EDEM3: variants seen among roughly 807,000 people sequenced by gnomAD.
The protein encoded by EDEM3 is ER degradation-enhancing alpha-mannosidase-like protein 3.
EDEM3 carries 60 observed loss-of-function variants against 110.2 expected under a neutral mutation model. The observed-to-expected ratio is 0.54, with a 90% CI of 0.44 to 0.67. The LOEUF is 0.67. Ranked by LOEUF, EDEM3 falls within the 30% of genes least tolerant of loss-of-function variation. EDEM3 has a pLI of 0.00. For synonymous variants in EDEM3, 352 were observed against 382.9 expected, an observed-to-expected ratio of 0.92 and a Z score of 0.94; for missense variants, 996 against 1,121.0, an observed-to-expected ratio of 0.89 and a Z score of 1.59.
chr1:184,728,672 C>T (rs759817677), intron 6 of EDEM3, among the ~76,000 whole-genome samples: 5 of 151,482 alleles, frequency 3.3e-5, no homozygotes, highest in East Asian at 1.9e-4. Flanking sequence ...TGCAGTGGCA[C>T]GATCTTGGCT....
chr1:184,727,147 C>G (rs1053723239), intron 6 of EDEM3, among the ~76,000 whole-genome samples: 1 of 152,178 alleles, frequency 6.6e-6, no homozygotes, highest in Non-Finnish European at 1.5e-5. Flanking sequence ...CAAAAATCAG[C>G]CAGGCATGGT....
At chr1:184,747,465 G>C (rs1339102176) in intron 2 of EDEM3, among the ~76,000 whole-genome samples, 1 of 152,192 alleles carries the variant, frequency 6.6e-6, no homozygotes, top group African/African-American at 2.4e-5. Context: ...TTGAGAACTT[G>C]AAAAGAGGAA....
At chr1:184,730,034 C>A (rs1049494416) in intron 6 of EDEM3, among the ~76,000 whole-genome samples, 3 of 151,988 alleles carry the variant, frequency 2.0e-5, no homozygotes, top group Admixed American at 6.5e-5. Context: ...TACTAATAAG[C>A]AAAGAAATCC....
chr1:184,708,225 G>A lies in EDEM3; in HGVS notation c.1965C>T (p.His655=), dbSNP rs771529803. ...TCAATACTACCCTGCCAAAAAATGGGTGGGAAACAATTTGTACAGCTCGTG... is the reference window on the plus strand; with the variant it reads ...TCAATACTACCCTGCCAAAAAATGGATGGGAAACAATTTGTACAGCTCGTG... ...LPPRAVQIVS[H]PFFGRVVLTA... The change falls in exon 17 of 20, where the codon CAC becomes CAT. Residue 655 remains histidine, a synonymous_variant. Coordinates refer to ENST00000318130, the MANE Select transcript of EDEM3 (RefSeq NM_025191.4). The A allele has an allele frequency of 6.2e-7, 1 of 1,613,804 alleles. No individual in the cohort carries two copies.
chr1:184,721,498 ACTACAC>A, intron 8 of EDEM3, 112 bp from the exon 9 acceptor site: 1 of 632,942 alleles, frequency 1.6e-6, no homozygotes. Context: ...CATATATATG[ACTACAC>A]CAGTTTAGAT....
At chr1:184,732,242 T>A (rs1269179740) in intron 6 of EDEM3, among the ~76,000 whole-genome samples, 1 of 151,970 alleles carries the variant, frequency 6.6e-6, no homozygotes, top group Non-Finnish European at 1.5e-5. Flanking sequence ...TACTCATTTG[T>A]GGGAGCTAAA....
chr1:184,721,413 A>ATTAAATTTTTTTAAAACCG, intron 8 of EDEM3, 27 bp from the exon 9 acceptor site: 1 of 1,555,568 alleles, frequency 6.4e-7, no homozygotes, highest in Non-Finnish European at 8.6e-7. Context: ...GTGATTTTTC[A>ATTAAATTTTTTTAAAACCG]TTAAATTTTT....
intron 16 of EDEM3, among the ~76,000 whole-genome samples, chr1:184,709,222 T>C (rs1650093448): frequency 6.6e-6 from 1 of 152,068 alleles, no homozygotes; most frequent in Non-Finnish European, 1.5e-5. Flanking sequence ...AAAGAGATAA[T>C]TCAAGTTTGG....
intron 2 of EDEM3, among the ~76,000 whole-genome samples, chr1:184,746,204 A>C (rs1366131004): frequency 6.6e-6 from 1 of 152,228 alleles, no homozygotes; most frequent in African/African-American, 2.4e-5. Context: ...TTAAGTCCAG[A>C]GATGGCAGAG....
At chr1:184,726,214 A>G in intron 7 of EDEM3, 41 bp downstream of exon 7, 3 of 1,599,230 alleles carry the variant, frequency 1.9e-6, no homozygotes, top group Middle Eastern at 1.7e-4. Flanking sequence ...AAAGGTAGTT[A>G]TGCCCAATAC....
At chr1:184,725,412 GA>G (rs1651134951) in intron 7 of EDEM3, among the ~76,000 whole-genome samples, 1 of 152,074 alleles carries the variant, frequency 6.6e-6, no homozygotes, top group African/African-American at 2.4e-5. Flanking sequence ...ACTTTTTAAT[GA>G]AGGGAAAATA....
At chr1:184,694,998 G>A (rs542927369) in intron 19 of EDEM3, among the ~76,000 whole-genome samples, 1 of 152,052 alleles carries the variant, frequency 6.6e-6, no homozygotes, top group Non-Finnish European at 1.5e-5. Flanking sequence ...TAATGTGACT[G>A]ATCAGAAATA....
chr1:184,723,812 CTG>C lies in EDEM3; in HGVS notation c.790_791del (p.Gln264AlafsTer3). The C allele has an allele frequency of 6.3e-7, 1 of 1,589,074 alleles. No individual in the cohort carries two copies. Among genetic ancestry groups the C allele is most frequent in the Non-Finnish European group, 8.5e-7 (1 of 1,172,298 alleles). ...KALDFLWEKR[Q>X]RSSNLVGVTI... is the part of the protein sequence containing the mutation. ...TCACGCCCACTAAATTACTACTTCG[CTG>C]TCTTTTTTCCCAGAGAAAATCAAGA... On this transcript the variant is annotated frameshift_variant, in exon 8 of 20. Coordinates refer to ENST00000318130, the MANE Select transcript of EDEM3 (RefSeq NM_025191.4). LOFTEE classifies it high-confidence loss of function.
chr1:184,699,088 T>C (rs141932905), intron 19 of EDEM3, among the ~76,000 whole-genome samples: 29 of 151,696 alleles, frequency 1.9e-4, no homozygotes, highest in African/African-American at 6.5e-4. Flanking sequence ...ATGGAGAAAA[T>C]CTCAAAATAC....
chr1:184,720,829 G>A, intron 9 of EDEM3: 1 of 154,448 alleles, frequency 6.5e-6, no homozygotes, highest in Non-Finnish European at 1.4e-5. Flanking sequence ...CATGCTTGTG[G>A]TTCTGAACCA....
At chr1:184,741,359 A>T (rs1652126961) in intron 2 of EDEM3, among the ~76,000 whole-genome samples, 1 of 152,146 alleles carries the variant, frequency 6.6e-6, no homozygotes, top group African/African-American at 2.4e-5. Flanking sequence ...AGATCTCGCC[A>T]TTGCACTCCA....
Position 184,700,809 on chromosome 1 carries a change from C to T in EDEM3, c.2389+2002G>A, listed in dbSNP as rs142564608. 2.9e-3 allele frequency among the ~76,000 whole-genome samples: 434 copies of T among 152,000 alleles called. 5 individuals are homozygous for T. The East Asian group carries it at 0.036, about 12-fold the overall frequency. On this transcript the variant is annotated intron_variant, in intron 19 of 19. Transcript: ENST00000318130. ...ATTTGTTGATTTCATAACACTATTA[C>T]CATTGATTTCTGTTACATTAATAAA...
At chr1:184,721,102 C>T (rs957348917) in intron 9 of EDEM3, 187 bp downstream of exon 9, 8 of 490,632 alleles carry the variant, frequency 1.6e-5, no homozygotes, top group African/African-American at 1.4e-4. Flanking sequence ...ACTACTTTAT[C>T]AACTGATTTT....
intron 8 of EDEM3, among the ~76,000 whole-genome samples, chr1:184,722,081 T>C (rs1650933175): frequency 6.6e-6 from 1 of 152,050 alleles, no homozygotes; most frequent in Non-Finnish European, 1.5e-5. Flanking sequence ...GTATTTGCAT[T>C]ATAAATGCAT....
Sources: allele counts gnomAD v4.1 joint callset (sites outside exome capture counted in the v4.1 genomes callset), GRCh38; gene constraint gnomAD v4.1.1; transcripts MANE v1.5; gene names NCBI Gene and HGNC (gene_info 2026-07-23, HGNC 2026-07-21).